Variants in SEPTIN7 observed in about 807,000 individuals in gnomAD.
The protein encoded by SEPTIN7 is septin-7.
Under a neutral mutation model 63.3 loss-of-function variants are expected in SEPTIN7, and 10 were observed. That is an observed-to-expected ratio of 0.16 (90% CI 0.10 to 0.27). The LOEUF is 0.27. Among genes scored for constraint, SEPTIN7 ranks in the 10% least tolerant of loss-of-function variants. The pLI is 1.00. For missense variants in SEPTIN7, 310 were observed against 521.0 expected (o/e 0.59, Z 3.94); for synonymous variants, 131 against 165.3 (o/e 0.79, Z 1.59).
intron 7 of SEPTIN7, among the ~76,000 whole-genome samples, chr7:35,880,889 C>T (rs1250261232): frequency 6.6e-6 from 1 of 151,858 alleles, no homozygotes; most frequent in Non-Finnish European, 1.5e-5. Context: ...GTGTTTGGTT[C>T]GTTATATATT....
intron 1 of SEPTIN7, among the ~76,000 whole-genome samples, chr7:35,826,555 T>A (rs62452821): frequency 0.017 from 2,629 of 152,024 alleles, 42 homozygotes; most frequent in Non-Finnish European, 0.027. Context: ...GTTAAGGTAA[T>A]TTGAGGTGCG....
intron 1 of SEPTIN7, among the ~76,000 whole-genome samples, chr7:35,809,513 A>G (rs1400000406): frequency 6.6e-6 from 1 of 152,148 alleles, no homozygotes; most frequent in Non-Finnish European, 1.5e-5. Flanking sequence ...TGTGTCCCCA[A>G]CCCATAACTG....
chr7:35,888,450 A>G (rs188899131), intron 10 of SEPTIN7, among the ~76,000 whole-genome samples: 1 of 152,302 alleles, frequency 6.6e-6, no homozygotes, highest in African/African-American at 2.4e-5. Context: ...CATTCATGCA[A>G]ACATTTCATG....
intron 3 of SEPTIN7, among the ~76,000 whole-genome samples, chr7:35,860,402 T>C (rs1785442582): frequency 6.6e-6 from 1 of 152,182 alleles, no homozygotes; most frequent in Non-Finnish European, 1.5e-5. Context: ...ATAATAATAC[T>C]GGTTTTTATA....
intron 1 of SEPTIN7, among the ~76,000 whole-genome samples, chr7:35,813,229 A>G (rs560603535): frequency 6.6e-6 from 1 of 152,356 alleles, no homozygotes; most frequent in African/African-American, 2.4e-5. Flanking sequence ...AGATACTGGA[A>G]TTCAGATTTC....
chr7:35,841,342 G>A (rs1047420986), intron 3 of SEPTIN7, among the ~76,000 whole-genome samples: 11 of 152,232 alleles, frequency 7.2e-5, no homozygotes, highest in African/African-American at 2.6e-4. Flanking sequence ...AAAGTCATCA[G>A]TGTGATTTTA....
chr7:35,833,787 C>T (rs1783948160), intron 3 of SEPTIN7, among the ~76,000 whole-genome samples: 1 of 151,824 alleles, frequency 6.6e-6, no homozygotes, highest in African/African-American at 2.4e-5. Context: ...GTTTCAACAT[C>T]TAGTATTTTT....
chr7:35,892,608 C>T (rs1312753655), intron 11 of SEPTIN7, among the ~76,000 whole-genome samples: 1 of 151,832 alleles, frequency 6.6e-6, no homozygotes, highest in Non-Finnish European at 1.5e-5. Context: ...TTTATTTGTT[C>T]CCATGTCTCA....
intron 5 of SEPTIN7, 109 bp from the exon 6 acceptor site, chr7:35,873,532 C>T: frequency 1.0e-6 from 1 of 972,212 alleles, no homozygotes; most frequent in Admixed American, 3.3e-5. Flanking sequence ...ATATCTTCTA[C>T]TGGTAAATTC....
intron 1 of SEPTIN7, among the ~76,000 whole-genome samples, chr7:35,816,662 C>T (rs943115203): frequency 2.0e-5 from 3 of 152,072 alleles, no homozygotes; most frequent in East Asian, 1.9e-4. Context: ...GCCTGACTGC[C>T]GAAGCAGCTG....
Position 35,906,820 on chromosome 7 carries a change from G to A in SEPTIN7, c.*2527G>A, listed in dbSNP as rs997294690. On this transcript the variant is annotated 3_prime_UTR_variant, in exon 14 of 14. Transcript: ENST00000350320. ...GACCCACCGCATCTTAATATGTTTT[G>A]TCCTCTTGGAGAAACTAGGAGTAGA... 1 of 152,132 alleles carries A rather than the reference G, an allele frequency of 6.6e-6. No individual in the cohort carries two copies. The highest frequency in any genetic ancestry group is 2.4e-5 in the African/African-American group (1 of 41,418). The allele number at this position is 152,132 out of a possible 1,614,324, so 9.4% of individuals were successfully genotyped here. A position where few individuals can be genotyped will look rare whatever the true frequency, so the allele number is the denominator to read the frequency against.
chr7:35,865,157 A>G (rs1443431944), intron 4 of SEPTIN7, among the ~76,000 whole-genome samples: 2 of 152,146 alleles, frequency 1.3e-5, no homozygotes, highest in African/African-American at 4.8e-5. Flanking sequence ...AAGCAAGAAA[A>G]TGAACTTTGA....
chr7:35,801,020 C>T, upstream of SEPTIN7: 1 of 458,172 alleles, frequency 2.2e-6, no homozygotes, highest in South Asian at 4.0e-5. Context: ...GCCCGGAAGC[C>T]TCGTCTGAGG....
Position 35,832,874 on chromosome 7 carries a change from GT to G in SEPTIN7, c.147del (p.Phe49LeufsTer7). Reference protein sequence around the residue: ...NQVYRKSVKRGFEFTLMVVGE... With the variant: ...NQVYRKSVKRXFEFTLMVVGE... ...GTATACAGAAAATCGGTGAAGAGAG[GT>G]TTTGAATTCACGCTTATGGTAGTGG... On this transcript the variant is annotated frameshift_variant, in exon 3 of 14. Transcript: ENST00000350320. LOFTEE classifies it high-confidence loss of function. The G allele has an allele frequency of 6.2e-7, 1 of 1,605,960 alleles. No homozygotes were observed. The highest frequency in any genetic ancestry group is 8.5e-7 in the Non-Finnish European group (1 of 1,172,826).
intron 1 of SEPTIN7, among the ~76,000 whole-genome samples, chr7:35,809,146 C>T (rs1347933106): frequency 2.0e-5 from 3 of 152,146 alleles, no homozygotes; most frequent in Non-Finnish European, 4.4e-5. Flanking sequence ...ACGTTTTGTA[C>T]TTGCTGTGTG....
rs559469318 is a variant in SEPTIN7, at chr7:35,842,229, T to C, written c.169+9329T>C. ...CCAGGATATTGTACTTGTTTCACTA[T>C]TGAACTACAGAACCTTAGAATTATT... is the stretch of plus-strand genomic sequence containing the variant. On this transcript the variant is annotated intron_variant, in intron 3 of 13. Transcript: ENST00000350320. 2.4e-4 allele frequency among the ~76,000 whole-genome samples: 37 copies of C among 152,316 alleles called. No individual in the cohort carries two copies. The South Asian group carries it at 2.9e-3, about 12-fold the overall frequency.
chr7:35,809,009 C>T lies in SEPTIN7; in HGVS notation c.61+7739C>T, dbSNP rs547406974. On this transcript the variant is annotated intron_variant, in intron 1 of 13. Coordinates refer to ENST00000350320, the MANE Select transcript of SEPTIN7 (RefSeq NM_001788.6). ...TACCACTTAAAAGTTGTAGTATTGA[C>T]ATTGTCATTATATCAATAATGTATT... Among the ~76,000 whole-genome samples the T allele has an allele frequency of 2.2e-4, 33 of 152,256 alleles. No homozygotes were observed. In the East Asian group the frequency reaches 6.4e-3, roughly 29 times the overall value.
At chr7:35,843,036 A>G (rs1040425224) in intron 3 of SEPTIN7, among the ~76,000 whole-genome samples, 39 of 152,062 alleles carry the variant, frequency 2.6e-4, no homozygotes, top group African/African-American at 9.4e-4. Flanking sequence ...CATCTCTCCC[A>G]TATTTGTATT....
rs1353598965 is a variant in SEPTIN7, at chr7:35,801,164, C to T, written c.-46C>T. Reference sequence around the variant, plus strand: ...ATCGGCGTAGGCGCCTTTGGAGAATCGGCGGGCTGCGCTCCGCTGGGGCTG... The same window carrying T: ...ATCGGCGTAGGCGCCTTTGGAGAATTGGCGGGCTGCGCTCCGCTGGGGCTG... On this transcript the variant is annotated 5_prime_UTR_variant, in exon 1 of 14. Coordinates refer to ENST00000350320, the MANE Select transcript of SEPTIN7 (RefSeq NM_001788.6). 10 of 1,444,890 alleles carry T rather than the reference C, an allele frequency of 6.9e-6. No individual in the cohort carries two copies. The highest frequency in any genetic ancestry group is 9.2e-6 in the Non-Finnish European group (10 of 1,090,258). The allele number at this position is 1,444,890 out of a possible 1,614,324, so 89.5% of individuals were successfully genotyped here.
Sources: allele counts gnomAD v4.1 joint callset (sites outside exome capture counted in the v4.1 genomes callset), GRCh38; gene constraint gnomAD v4.1.1; transcripts MANE v1.5; gene names NCBI Gene and HGNC (gene_info 2026-07-23, HGNC 2026-07-21).